The following ZNF808 variants were observed in gnomAD, a reference collection of about 807,000 sequenced individuals.
The protein encoded by ZNF808 is zinc finger protein 808.
In ZNF808, 5 loss-of-function variants were observed where a neutral mutation model predicts 8.7. That is an observed-to-expected ratio of 0.58 (90% CI 0.30 to 1.21). ZNF808 has a LOEUF of 1.21. ZNF808 is among the 50% of genes most tolerant of loss of function. ZNF808 has a pLI of 0.07. For missense variants in ZNF808, 1,103 were observed against 1,098.4 expected (o/e 1.00, Z -0.06); for synonymous variants, 380 against 366.0 (o/e 1.04, Z -0.44).
At chr19:52,528,826 A>T (rs1317338580) in intron 1 of ZNF808, among the ~76,000 whole-genome samples, 1 of 152,050 alleles carries the variant, frequency 6.6e-6, no homozygotes, top group Non-Finnish European at 1.5e-5. Context: ...ATGGGTGAAG[A>T]GGCAGAAATA....
rs1034191147 is a variant in ZNF808 at position 52,555,705 on chromosome 19, C to T, written c.*77C>T. The T allele has an allele frequency of 1.6e-5, 24 of 1,541,652 alleles. No homozygotes were observed. In the African/African-American group the frequency reaches 3.3e-4, roughly 21 times the overall value. On this transcript the variant is annotated 3_prime_UTR_variant, in exon 5 of 5. Transcript: ENST00000359798. ...TGGAGAATCCATGATGAAGAGAAAT[C>T]TTCTGAGTGTAATAAATGTGGCATG...
downstream of ZNF808, among the ~76,000 whole-genome samples, chr19:52,558,153 T>C (rs1331947056): frequency 6.8e-6 from 1 of 146,636 alleles, no homozygotes; most frequent in Non-Finnish European, 1.5e-5. Context: ...TGGCGCAATC[T>C]CGGCTCACTG....
chr19:52,565,214 G>A (rs539400009), downstream of ZNF808, among the ~76,000 whole-genome samples: 6 of 152,312 alleles, frequency 3.9e-5, no homozygotes, highest in East Asian at 7.7e-4. Context: ...GGAGGCGGAG[G>A]TTGCTGTGAG....
In ZNF808 at chr19:52,551,830, A is replaced by C. The variant is rs373663238; in HGVS notation, c.191-1277A>C. ...CCAGCCTGGCCAACATGGTGAAACCACATCTCTACTAAAAACACAAAAATT... is the reference window on the plus strand; with the variant it reads ...CCAGCCTGGCCAACATGGTGAAACCCCATCTCTACTAAAAACACAAAAATT... On this transcript the variant is annotated intron_variant, in intron 4 of 4. Coordinates refer to ENST00000359798, the MANE Select transcript of ZNF808 (RefSeq NM_001039886.4). Among the ~76,000 whole-genome samples, 136 of 151,886 alleles carry C rather than the reference A, an allele frequency of 9.0e-4. 1 individual carries two copies. In the South Asian group the frequency reaches 0.014, roughly 15 times the overall value.
intron 2 of ZNF808, among the ~76,000 whole-genome samples, chr19:52,537,910 C>T (rs1205435016): frequency 1.3e-5 from 2 of 151,952 alleles, no homozygotes; most frequent in African/African-American, 4.8e-5. Context: ...CTATTCAGAC[C>T]GAGGGCAGTG....
chr19:52,534,359 C>G (rs376595), intron 2 of ZNF808, among the ~76,000 whole-genome samples: 48,425 of 152,038 alleles, frequency 0.32, 8,450 homozygotes, highest in East Asian at 0.5. Context: ...GGACTGATTA[C>G]TGTTTATCTT....
chr19:52,554,930 C>G lies in ZNF808; in HGVS notation c.2014C>G (p.Leu672Val). 1 of 1,614,122 alleles carries G rather than the reference C, an allele frequency of 6.2e-7. No individual in the cohort carries two copies. The highest frequency in any genetic ancestry group is 8.5e-7 in the Non-Finnish European group (1 of 1,180,010). ...YKSSLVWHRR[L>V]HGGEKSYKCK... ...GTCATCACTTGTATGGCATCGTAGA[C>G]TTCATGGTGGAGAGAAATCTTACAA... Residue 672 changes from leucine to valine, a missense_variant, in exon 5 of 5, where the codon CTT (leucine) becomes GTT (valine). Leu to Val is a conservative substitution (Grantham distance 32, BLOSUM62 1). Coordinates refer to ENST00000359798, the MANE Select transcript of ZNF808 (RefSeq NM_001039886.4).
chr19:52,555,367 AC>A lies in ZNF808; in HGVS notation c.2453del (p.Pro818LeufsTer50). 1.2e-6 allele frequency: 2 copies of A among 1,614,166 alleles called. No individual in the cohort carries two copies. ...RHIRIHTAEK[P>X]YKCNECGKAF... ...ATATTAGAATTCACACTGCAGAGAA[AC>A]CTTACAAGTGTAATGAATGTGGAAA... On this transcript the variant is annotated frameshift_variant, in exon 5 of 5. Transcript: ENST00000359798. LOFTEE classifies it low-confidence loss of function (END_TRUNC).
chr19:52,559,885 C>G (rs1328903737), downstream of ZNF808, among the ~76,000 whole-genome samples: 1 of 152,050 alleles, frequency 6.6e-6, no homozygotes, highest in Non-Finnish European at 1.5e-5. Context: ...CGCCACCACG[C>G]TTGTAACGGC....
chr19:52,553,024 G>GT (rs2059792836), intron 4 of ZNF808, 83 bp from the exon 5 acceptor site: 2 of 1,420,024 alleles, frequency 1.4e-6, no homozygotes, highest in Admixed American at 2.7e-5. Flanking sequence ...AATAAGTATT[G>GT]TTTTTTGTGT....
At chr19:52,539,220 GTCTC>G (rs1356846965) in intron 2 of ZNF808, among the ~76,000 whole-genome samples, 2 of 138,832 alleles carry the variant, frequency 1.4e-5, no homozygotes, top group Non-Finnish European at 1.5e-5. Flanking sequence ...TTGAGATGGA[GTCTC>G]TCTGTGTCAC....
chr19:52,554,485 G>T lies in ZNF808; in HGVS notation c.1569G>T (p.Arg523=). Residue 523 remains arginine, a synonymous_variant, in exon 5 of 5, where the codon CGG becomes CGT. Coordinates refer to ENST00000359798, the MANE Select transcript of ZNF808 (RefSeq NM_001039886.4). The stretch of plus-strand genomic sequence containing the variant: ...AGTGTGGCAATACCTTCCGTCACCG[G>T]GCATCCCTTGTATACCATCGTAGAC... ...CNQCGNTFRH[R]ASLVYHRRLH... 1 of 1,614,026 alleles carries T rather than the reference G, an allele frequency of 6.2e-7. No individual in the cohort carries two copies. The highest frequency in any genetic ancestry group is 1.1e-5 in the South Asian group (1 of 91,082).
chr19:52,538,735 G>A (rs939418913), intron 2 of ZNF808, among the ~76,000 whole-genome samples: 63 of 151,890 alleles, frequency 4.1e-4, no homozygotes, highest in African/African-American at 1.4e-3. Context: ...AGTGAGAAAG[G>A]GCTATGCATA....
intron 1 of ZNF808, 39 bp downstream of exon 1, chr19:52,527,750 C>A: frequency 6.5e-6 from 1 of 152,882 alleles, no homozygotes; most frequent in South Asian, 2.0e-4. Flanking sequence ...CTCCGCTTCC[C>A]AGGTCCCCGC....
At chr19:52,557,270 CT>C (rs770756121), downstream of ZNF808, among the ~76,000 whole-genome samples, 172 of 141,908 alleles carry the variant, frequency 1.2e-3, no homozygotes, top group Middle Eastern at 3.8e-3. Flanking sequence ...TGCCCCGCCT[CT>C]TTTTTTTTTT....
At chr19:52,530,428 CAGAG>C (rs1245216578) in intron 1 of ZNF808, among the ~76,000 whole-genome samples, 1 of 150,950 alleles carries the variant, frequency 6.6e-6, no homozygotes, top group Non-Finnish European at 1.5e-5. Flanking sequence ...CGTTGGGAGA[CAGAG>C]GTGGGTGGAT....
At chr19:52,541,616 A>G (rs520958) in intron 2 of ZNF808, among the ~76,000 whole-genome samples, 54,017 of 151,756 alleles carry the variant, frequency 0.36, 10,919 homozygotes, top group African/African-American at 0.53. Context: ...ACAGTGTGTG[A>G]CTTTTCTTCT....
chr19:52,544,998 C>T (rs2059707751), intron 3 of ZNF808, among the ~76,000 whole-genome samples: 1 of 152,154 alleles, frequency 6.6e-6, no homozygotes, highest in Non-Finnish European at 1.5e-5. Context: ...ATTGGTCAGG[C>T]TGGTCGAACT....
intron 2 of ZNF808, among the ~76,000 whole-genome samples, chr19:52,539,350 A>G (rs1039851669): frequency 2.0e-5 from 3 of 150,580 alleles, no homozygotes; most frequent in African/African-American, 7.3e-5. Context: ...CTGCAGCCAC[A>G]CCTGTCTGAT....
Sources: allele counts gnomAD v4.1 joint callset (sites outside exome capture counted in the v4.1 genomes callset), GRCh38; gene constraint gnomAD v4.1.1; transcripts MANE v1.5; gene names NCBI Gene and HGNC (gene_info 2026-07-23, HGNC 2026-07-21).